ST8SIA6: variants seen among roughly 807,000 people sequenced by gnomAD.
The protein encoded by ST8SIA6 is alpha-2,8-sialyltransferase 8F.
A neutral mutation model predicts 33.6 loss-of-function variants in ST8SIA6; 39 were observed. That is an observed-to-expected ratio of 1.16 (90% confidence interval 0.90 to 1.52). ST8SIA6 has a LOEUF of 1.52. Among genes scored for constraint, ST8SIA6 ranks in the 40% most tolerant of loss-of-function variants. ST8SIA6 has a pLI of 0.00. For synonymous variants in ST8SIA6, 172 were observed against 167.2 expected (o/e 1.03, Z -0.22); for missense variants, 441 against 443.8 (o/e 0.99, Z 0.06).
In ST8SIA6 at chr10:17,323,136, T is replaced by G. The variant is rs1227022935; in HGVS notation, c.657A>C (p.Thr219=). The part of the protein sequence containing the change: ...FVFRCNLPPT[T]GDVSKDVGSK... Reference sequence around the variant, plus strand: ...TGCCAACATCTTTACTAACATCTCCTGTGGTTGGGGGTAGGTTACACCTGA... The same window carrying G: ...TGCCAACATCTTTACTAACATCTCCGGTGGTTGGGGGTAGGTTACACCTGA... The change falls in exon 7 of 8, where the codon ACA becomes ACC. Residue 219 remains threonine (T), a synonymous_variant. Transcript: ENST00000377602. 6.2e-7 allele frequency: 1 copy of G among 1,613,744 alleles called. No homozygotes were observed. The highest frequency in any genetic ancestry group is 1.1e-5 in the South Asian group (1 of 91,050).
At chr10:17,402,497 CTA>C in intron 2 of ST8SIA6, among the ~76,000 whole-genome samples, 1 of 152,324 alleles carries the variant, frequency 6.6e-6, no homozygotes. Context: ...TATTGTGGCA[CTA>C]TTCACAATAG....
chr10:17,424,677 G>A (rs965996163), intron 2 of ST8SIA6, among the ~76,000 whole-genome samples: 2 of 151,676 alleles, frequency 1.3e-5, no homozygotes, highest in African/African-American at 4.8e-5. Flanking sequence ...TTTACTTGCA[G>A]CTGTGCCCAT....
At chr10:17,387,444 GGGC>G (rs1335954417) in intron 3 of ST8SIA6, among the ~76,000 whole-genome samples, 55 of 117,986 alleles carry the variant, frequency 4.7e-4, no homozygotes, top group African/African-American at 1.7e-3. Flanking sequence ...CGGGGCGGTG[GGGC>G]GGGGGGGGGG....
At chr10:17,364,295 G>A (rs1006677525) in intron 3 of ST8SIA6, among the ~76,000 whole-genome samples, 1 of 152,080 alleles carries the variant, frequency 6.6e-6, no homozygotes, top group Non-Finnish European at 1.5e-5. Context: ...ATTGAAAGAC[G>A]CCAATCATAA....
rs1209451727 is a variant in ST8SIA6 at position 17,317,853 on chromosome 10, T to TG, written c.*3024dup. Among the ~76,000 whole-genome samples, 2 of 152,196 alleles carry TG rather than the reference T, an allele frequency of 1.3e-5. No homozygotes were observed. Among genetic ancestry groups the TG allele is most frequent in the African/African-American group, 4.8e-5 (2 of 41,460 alleles). On this transcript the variant is annotated 3_prime_UTR_variant, in exon 8 of 8. Coordinates refer to ENST00000377602, the MANE Select transcript of ST8SIA6 (RefSeq NM_001004470.3). ...CGCAGTTACTGGGTTAGGACTTACATGAAGAAGGAAATATCCTTTAGTGAA... is the reference window on the plus strand; with the variant it reads ...CGCAGTTACTGGGTTAGGACTTACATGGAAGAAGGAAATATCCTTTAGTGAA...
chr10:17,412,479 G>A (rs1467065817), intron 2 of ST8SIA6, among the ~76,000 whole-genome samples: 1 of 152,140 alleles, frequency 6.6e-6, no homozygotes, highest in Non-Finnish European at 1.5e-5. Context: ...CACTAGGCAG[G>A]GGATATGATG....
At chr10:17,346,313 A>C (rs1848831359) in intron 4 of ST8SIA6, among the ~76,000 whole-genome samples, 1 of 152,206 alleles carries the variant, frequency 6.6e-6, no homozygotes, top group South Asian at 2.1e-4. Flanking sequence ...GCCCTCCATT[A>C]AGAGTTCCCT....
intron 4 of ST8SIA6, among the ~76,000 whole-genome samples, chr10:17,346,453 G>A (rs1234441529): frequency 5.3e-5 from 8 of 152,152 alleles, no homozygotes; most frequent in Non-Finnish European, 1.2e-4. Context: ...AATTAGCTGG[G>A]CTTGGTGGCA....
intron 2 of ST8SIA6, among the ~76,000 whole-genome samples, chr10:17,420,173 G>C (rs1407397731): frequency 2.0e-5 from 3 of 152,236 alleles, no homozygotes; most frequent in Non-Finnish European, 4.4e-5. Context: ...CAGCACTTTC[G>C]GAGGCCGAGA....
chr10:17,316,314 T>A lies in ST8SIA6; in HGVS notation c.*4564A>T, dbSNP rs1057289020. Among the ~76,000 whole-genome samples the A allele has an allele frequency of 2.6e-5, 4 of 152,078 alleles. No individual in the cohort carries two copies. ...TATGCTAAATTTAAAGGACATACCC[T>A]TATTTCTGTATATATGTCCAGTAAG... On this transcript the variant is annotated 3_prime_UTR_variant, in exon 8 of 8. Coordinates refer to ENST00000377602, the MANE Select transcript of ST8SIA6 (RefSeq NM_001004470.3).
intron 2 of ST8SIA6, among the ~76,000 whole-genome samples, chr10:17,436,078 C>T (rs1330113401): frequency 6.6e-6 from 1 of 152,210 alleles, no homozygotes; most frequent in Non-Finnish European, 1.5e-5. Context: ...CTGGAATCAC[C>T]TGCTGCGACT....
intron 2 of ST8SIA6, among the ~76,000 whole-genome samples, chr10:17,433,684 G>C (rs764746925): frequency 6.6e-6 from 1 of 152,142 alleles, no homozygotes; most frequent in South Asian, 2.1e-4. Context: ...GGCCATCCTG[G>C]CTTGAATATC....
intron 3 of ST8SIA6, among the ~76,000 whole-genome samples, chr10:17,387,687 T>A (rs1171012562): frequency 1.3e-5 from 2 of 152,200 alleles, no homozygotes; most frequent in Non-Finnish European, 2.9e-5. Context: ...CAAGCTTTCC[T>A]AATAATTTCA....
intron 4 of ST8SIA6, among the ~76,000 whole-genome samples, chr10:17,343,855 G>A (rs1241566588): frequency 6.6e-6 from 1 of 152,168 alleles, no homozygotes; most frequent in East Asian, 1.9e-4. Flanking sequence ...TGAAGCTCAT[G>A]TCTATAGATG....
At chr10:17,412,476 C>A (rs1851483236) in intron 2 of ST8SIA6, among the ~76,000 whole-genome samples, 1 of 152,168 alleles carries the variant, frequency 6.6e-6, no homozygotes, top group Non-Finnish European at 1.5e-5. Context: ...TGGCACTAGG[C>A]AGGGGATATG....
At chr10:17,394,810 G>A (rs922424482) in intron 2 of ST8SIA6, among the ~76,000 whole-genome samples, 10 of 152,124 alleles carry the variant, frequency 6.6e-5, no homozygotes, top group African/African-American at 2.4e-4. Flanking sequence ...AAAAAATGCT[G>A]ATTTGGGAAC....
In ST8SIA6 at chr10:17,345,753, G is replaced by A. The variant is rs146102377; in HGVS notation, c.377+13761C>T. On this transcript the variant is annotated intron_variant, in intron 4 of 7. Transcript: ENST00000377602. ...ATTGAAGGGTCTTATTTATGGAAGT[G>A]ACACATGGGATATGCATTTTAGGAT... 2.9e-3 allele frequency among the ~76,000 whole-genome samples: 439 copies of A among 152,270 alleles called. 1 individual carries two copies. Among genetic ancestry groups the A allele is most frequent in the African/African-American group, 9.9e-3 (410 of 41,546 alleles).
At chr10:17,324,582 C>T (rs1181172238) in intron 6 of ST8SIA6, among the ~76,000 whole-genome samples, 1 of 151,684 alleles carries the variant, frequency 6.6e-6, no homozygotes, top group Admixed American at 6.6e-5. Context: ...AGAGGAAATA[C>T]AATAAGTTTT....
chr10:17,332,857 T>A (rs1003265256), intron 4 of ST8SIA6, among the ~76,000 whole-genome samples: 1 of 152,330 alleles, frequency 6.6e-6, no homozygotes, highest in African/African-American at 2.4e-5. Flanking sequence ...GCATAAAATG[T>A]CTTCTTTTGA....
Sources: gnomAD v4.1 joint callset for allele counts (sites outside exome capture counted in the v4.1 genomes callset) on GRCh38, gnomAD v4.1.1 for gene constraint, MANE v1.5 for transcripts, NCBI Gene and HGNC (gene_info 2026-07-23, HGNC 2026-07-21) for gene names.